The following PHF20L1 variants were observed in gnomAD, a reference collection of about 807,000 sequenced individuals.
PHF20L1 encodes PHD finger protein 20 like 1.
Under a neutral mutation model 125.5 loss-of-function variants are expected in PHF20L1, and 44 were observed. The ratio of observed to expected loss-of-function variants is 0.35; its 90% CI spans 0.28 to 0.45. The LOEUF (loss-of-function observed/expected upper bound fraction) is 0.45. PHF20L1 is among the 20% of genes least tolerant of loss of function. The pLI, the probability that PHF20L1 is intolerant of heterozygous loss-of-function variation, is 1.00. For missense variants in PHF20L1, 1,012 were observed against 1,217.2 expected, an observed-to-expected ratio of 0.83 and a Z score of 2.51; for synonymous variants, 380 against 403.1, an observed-to-expected ratio of 0.94 and a Z score of 0.69.
At chr8:132,840,392 A>G (rs1587089787) in intron 18 of PHF20L1, among the ~76,000 whole-genome samples, 1 of 152,148 alleles carries the variant, frequency 6.6e-6, no homozygotes, top group South Asian at 2.1e-4. Context: ...TTTCACATGA[A>G]CGATTGCCAT....
At chr8:132,822,110 G>A (rs1835671222) in intron 12 of PHF20L1, among the ~76,000 whole-genome samples, 1 of 151,660 alleles carries the variant, frequency 6.6e-6, no homozygotes, top group South Asian at 2.1e-4. Context: ...AACCCTTTAT[G>A]AGTCTCCCAG....
At chr8:132,823,456 G>T (rs1835815855) in intron 12 of PHF20L1, among the ~76,000 whole-genome samples, 1 of 151,946 alleles carries the variant, frequency 6.6e-6, no homozygotes, top group Non-Finnish European at 1.5e-5. Context: ...TTGGATTGCC[G>T]AAGGCTGTGG....
At chr8:132,784,849 T>G (rs1830833807) in intron 2 of PHF20L1, among the ~76,000 whole-genome samples, 1 of 152,172 alleles carries the variant, frequency 6.6e-6, no homozygotes, top group South Asian at 2.1e-4. Flanking sequence ...AGTATATGTC[T>G]GGCATCTAGA....
chr8:132,846,520 T>G lies in PHF20L1; in HGVS notation c.*597T>G, dbSNP rs1838431512. 6.6e-6 allele frequency: 1 copy of G among 152,526 alleles called. No homozygotes were observed. The highest frequency in any genetic ancestry group is 2.4e-5 in the African/African-American group (1 of 41,430). The allele number at this position is 152,526 out of a possible 1,614,324, so 9.4% of individuals were successfully genotyped here. Reference sequence around the variant, plus strand: ...ATCTCACTTCTGGGGAAAACAGTTGTGGAATTCTTACTTCATTATGAATGT... The same window carrying G: ...ATCTCACTTCTGGGGAAAACAGTTGGGGAATTCTTACTTCATTATGAATGT... On this transcript the variant is annotated 3_prime_UTR_variant, in exon 21 of 21. Coordinates refer to ENST00000395386, the MANE Select transcript of PHF20L1 (RefSeq NM_016018.5).
At chr8:132,844,369 C>A in intron 20 of PHF20L1, 51 bp downstream of exon 20, 1 of 1,431,448 alleles carries the variant, frequency 7.0e-7, no homozygotes, top group Non-Finnish European at 9.6e-7. Flanking sequence ...TTTATTGTTA[C>A]TATGAAGAAG....
intron 2 of PHF20L1, 41 bp downstream of exon 2, chr8:132,777,952 C>G (rs759889960): frequency 1.7e-6 from 2 of 1,182,374 alleles, no homozygotes; most frequent in Non-Finnish European, 2.5e-6. Context: ...ATCACAATAT[C>G]TGTAGCCTTA....
At chr8:132,813,622 T>C (rs904090309) in intron 9 of PHF20L1, among the ~76,000 whole-genome samples, 9 of 152,014 alleles carry the variant, frequency 5.9e-5, no homozygotes, top group African/African-American at 2.2e-4. Flanking sequence ...GCTAGCAGTC[T>C]GATTCTTTAT....
intron 2 of PHF20L1, among the ~76,000 whole-genome samples, chr8:132,781,711 G>A (rs1418186369): frequency 1.3e-5 from 2 of 152,194 alleles, no homozygotes; most frequent in Non-Finnish European, 2.9e-5. Flanking sequence ...GATTACAGGC[G>A]TGAGCCACTG....
rs1402364160 is a variant in PHF20L1 at position 132,775,635 on chromosome 8, A to T, written c.-48A>T. 2 of 340,452 alleles carry T rather than the reference A, an allele frequency of 5.9e-6. No homozygotes were observed. The highest frequency in any genetic ancestry group is 1.1e-5 in the Non-Finnish European group (2 of 188,830). 21.1% of individuals were successfully genotyped at this position (340,452 alleles called of 1,614,324 possible). On this transcript the variant is annotated 5_prime_UTR_variant, in exon 1 of 21. Transcript: ENST00000395386. ...ACGGCCCGGCTGCTGTGCAGAGAGG[A>T]GGCCGAGTCGGTAAGAGGCGGCGGC...
chr8:132,819,529 G>T (rs968281756), intron 12 of PHF20L1, among the ~76,000 whole-genome samples: 1 of 151,228 alleles, frequency 6.6e-6, no homozygotes, highest in South Asian at 2.1e-4. Flanking sequence ...CCTGTCCCAC[G>T]TGCATTGAAA....
Position 132,799,129 on chromosome 8 carries a change from CT to C in PHF20L1, c.465del (p.Ile156SerfsTer17). 6.2e-7 allele frequency: 1 copy of C among 1,610,080 alleles called. No individual in the cohort carries two copies. Among genetic ancestry groups the C allele is most frequent in the Non-Finnish European group, 8.5e-7 (1 of 1,177,494 alleles). On this transcript the variant is annotated frameshift_variant, in exon 6 of 21. Transcript: ENST00000395386. LOFTEE classifies it high-confidence loss of function. ...CAGCATCCACTAAGCTGGTGTTGTC[CT>C]ATCGACCCAGCTGGATCGTGTAACC... ...KSQHPLSWCC[P>X]IDPAGSCNQS... is the part of the protein sequence containing the mutation.
rs940819724 is a variant in PHF20L1 at position 132,846,744 on chromosome 8, A to G, written c.*821A>G. On this transcript the variant is annotated 3_prime_UTR_variant, in exon 21 of 21. Coordinates refer to ENST00000395386, the MANE Select transcript of PHF20L1 (RefSeq NM_016018.5). Reference sequence around the variant, plus strand: ...CATCCAAAACCTATATATCACCTATACTATATATATCATATATATAGTTGA... The same window carrying G: ...CATCCAAAACCTATATATCACCTATGCTATATATATCATATATATAGTTGA... 1 of 152,298 alleles carries G rather than the reference A, an allele frequency of 6.6e-6. No homozygotes were observed. The highest frequency in any genetic ancestry group is 2.4e-5 in the African/African-American group (1 of 41,336). The allele number at this position is 152,298 out of a possible 1,614,324, so 9.4% of individuals were successfully genotyped here.
At chr8:132,807,167 A>G (rs1833823115) in intron 8 of PHF20L1, 1 of 152,982 alleles carries the variant, frequency 6.5e-6, no homozygotes, top group Non-Finnish European at 1.5e-5. Flanking sequence ...CATATATCAT[A>G]TATGTACACA....
At chr8:132,837,546 A>T (rs1330906790) in intron 16 of PHF20L1, among the ~76,000 whole-genome samples, 166 bp from the exon 17 acceptor site, 1 of 152,170 alleles carries the variant, frequency 6.6e-6, no homozygotes, top group African/African-American at 2.4e-5. Flanking sequence ...TCAAAGATAA[A>T]ATTCATCTTA....
intron 4 of PHF20L1, 41 bp downstream of exon 4, chr8:132,794,858 T>C: frequency 7.9e-7 from 1 of 1,268,000 alleles, no homozygotes; most frequent in Non-Finnish European, 1.1e-6. Context: ...ATTAGATTAA[T>C]AGTAAAATTT....
intron 6 of PHF20L1, chr8:132,803,599 G>T (rs1833344803): frequency 8.2e-6 from 4 of 485,662 alleles, no homozygotes; most frequent in Non-Finnish European, 1.5e-5. Context: ...TATTGAATAT[G>T]CTTCCTATTT....
intron 11 of PHF20L1, 88 bp downstream of exon 11, chr8:132,817,164 T>C (rs1251352845): frequency 7.3e-6 from 7 of 952,974 alleles, no homozygotes; most frequent in Middle Eastern, 3.3e-4. Context: ...TATTAAGATA[T>C]TTCTGCTCTT....
chr8:132,792,797 T>C (rs955126377), intron 2 of PHF20L1, among the ~76,000 whole-genome samples: 1 of 152,250 alleles, frequency 6.6e-6, no homozygotes, highest in Admixed American at 6.5e-5. Flanking sequence ...CAAGAAATGT[T>C]AATACATTTT....
rs914702762 is a variant in PHF20L1 at position 132,844,193 on chromosome 8, A to T, written c.2786A>T (p.Asp929Val). 10 of 1,612,842 alleles carry T rather than the reference A, an allele frequency of 6.2e-6. No individual in the cohort carries two copies. Among genetic ancestry groups the T allele is most frequent in the Non-Finnish European group, 8.5e-6 (10 of 1,179,234 alleles). The change falls in exon 20 of 21, where the codon GAT becomes GTT. Residue 929 changes from aspartate (D) to valine (V), a missense_variant. Physicochemically the swap from Asp to Val is radical, Grantham distance 152 (BLOSUM62 -3). This residue lies in a region of PHF20L1 where 277 missense variants were observed against 283.6 expected (regional missense o/e 0.98). Transcript: ENST00000395386. ...GGGAATACAGTATTTGTTTATAATG[A>T]TAAAAAGGGCACCGAAGACCCAGGA... ...AEGNTVFVYNDKKGTEDPGDS... is the reference protein window; with the variant it reads ...AEGNTVFVYNVKKGTEDPGDS...
Sources: gnomAD v4.1 joint callset for allele counts (sites outside exome capture counted in the v4.1 genomes callset) on GRCh38, gnomAD v4.1.1 for gene constraint, gnomAD v4.1.1 regional missense constraint, MANE v1.5 for transcripts, NCBI Gene and HGNC (gene_info 2026-07-23, HGNC 2026-07-21) for gene names.